Variants in LY96 observed in about 807,000 individuals in gnomAD.
LY96 encodes myeloid differentiation protein-2.
LY96 carries 18 observed loss-of-function variants against 18.9 expected under a neutral mutation model. The observed-to-expected ratio is 0.95, with a 90% CI of 0.66 to 1.41. The LOEUF is 1.41. Ranked by LOEUF, LY96 falls within the 40% of genes most tolerant of loss-of-function variation. The pLI, the probability that LY96 is intolerant of heterozygous loss-of-function variation, is 0.00. For synonymous variants in LY96, 66 were observed against 62.6 expected (o/e 1.06, Z -0.26); for missense variants, 175 against 182.4 (o/e 0.96, Z 0.23).
At chr8:74,009,634 A>G (rs1397581684) in intron 2 of LY96, among the ~76,000 whole-genome samples, 1 of 152,160 alleles carries the variant, frequency 6.6e-6, no homozygotes, top group African/African-American at 2.4e-5. Flanking sequence ...TGACTGTCTC[A>G]CTGTCCTTCC....
the LY96 span, among the ~76,000 whole-genome samples, chr8:74,040,344 A>G: frequency 6.6e-6 from 1 of 152,040 alleles, no homozygotes; most frequent in African/African-American, 2.4e-5. Flanking sequence ...TTCACCCACA[A>G]TCCTATTTGT....
chr8:74,052,206 T>C, the LY96 span: 1 of 152,212 alleles, frequency 6.6e-6, no homozygotes, highest in Non-Finnish European at 1.5e-5. Context: ...GCCATGAGTG[T>C]GCATGCGGGA....
chr8:74,005,030 C>G, intron 2 of LY96, 145 bp downstream of exon 2: 1 of 829,036 alleles, frequency 1.2e-6, no homozygotes, highest in Non-Finnish European at 1.9e-6. Context: ...ACACAGCACA[C>G]ATTTATTATC....
chr8:74,093,946 A>G, the LY96 span, among the ~76,000 whole-genome samples: 1 of 152,132 alleles, frequency 6.6e-6, no homozygotes, highest in Admixed American at 6.6e-5. Context: ...AGGCATGGAG[A>G]AGAGGCAAAT....
At chr8:74,012,060 T>C (rs188656729) in intron 3 of LY96, among the ~76,000 whole-genome samples, 1 of 152,126 alleles carries the variant, frequency 6.6e-6, no homozygotes, top group Non-Finnish European at 1.5e-5. Context: ...AGCAAGAATA[T>C]GGAGAAAAAA....
the LY96 span, among the ~76,000 whole-genome samples, chr8:74,039,587 G>A: frequency 6.6e-6 from 1 of 152,170 alleles, no homozygotes; most frequent in Non-Finnish European, 1.5e-5. Context: ...GCAGGGTAAG[G>A]AGGGTGGATC....
intron 3 of LY96, among the ~76,000 whole-genome samples, chr8:74,021,023 G>A (rs1263349038): frequency 6.6e-6 from 1 of 152,214 alleles, no homozygotes. Context: ...AGGACTTTAT[G>A]ACTAAAACAC....
intron 3 of LY96, among the ~76,000 whole-genome samples, chr8:74,016,432 A>C (rs1816643723): frequency 6.6e-6 from 1 of 152,234 alleles, no homozygotes; most frequent in Non-Finnish European, 1.5e-5. Context: ...CTCTGGGGGC[A>C]GGGTATAGCT....
At chr8:74,014,266 T>G (rs896131751) in intron 3 of LY96, among the ~76,000 whole-genome samples, 8 of 150,044 alleles carry the variant, frequency 5.3e-5, no homozygotes, top group African/African-American at 2.0e-4. Flanking sequence ...AAAAAAAAAT[T>G]AGCTGGGTGT....
chr8:74,007,404 C>T (rs1816436633), intron 2 of LY96, among the ~76,000 whole-genome samples: 2 of 152,154 alleles, frequency 1.3e-5, no homozygotes, highest in South Asian at 4.1e-4. Flanking sequence ...AATTCATTAA[C>T]AAAATAATTA....
At chr8:73,992,737 T>C (rs969055264) in intron 1 of LY96, among the ~76,000 whole-genome samples, 23 of 152,198 alleles carry the variant, frequency 1.5e-4, no homozygotes, top group African/African-American at 5.3e-4. Flanking sequence ...TGCTGCAAGA[T>C]CCTTTTGCAT....
chr8:74,080,380 T>C, the LY96 span, among the ~76,000 whole-genome samples: 1 of 152,160 alleles, frequency 6.6e-6, no homozygotes, highest in Admixed American at 6.5e-5. Flanking sequence ...TCCTCAGTAG[T>C]TAATTGACAC....
chr8:73,991,952 G>A (rs965122324), intron 1 of LY96, among the ~76,000 whole-genome samples: 1 of 152,080 alleles, frequency 6.6e-6, no homozygotes, highest in Non-Finnish European at 1.5e-5. Context: ...GTTGATTTCT[G>A]CTCTAAGCTG....
Position 73,996,372 on chromosome 8 carries a change from CCTTTCTTT to C in LY96, c.112+4879_112+4886del, listed in dbSNP as rs541600290. ...TCCTTCCTTCCTTCCTTCCTTCATT[CCTTTCTTT>C]CTTTCTTTCTTTCTTTCTTTCTTTC... On this transcript the variant is annotated intron_variant, in intron 1 of 4. Transcript: ENST00000284818. Among the ~76,000 whole-genome samples, 1,075 of 110,862 alleles carry C rather than the reference CCTTTCTTT, an allele frequency of 9.7e-3. 13 individuals are homozygous for C. The highest frequency in any genetic ancestry group is 0.016 in the African/African-American group (464 of 28,482). 72.7% of individuals were successfully genotyped at this position (110,862 alleles called of 152,430 possible).
the LY96 span, among the ~76,000 whole-genome samples, chr8:74,086,214 T>C: frequency 2.0e-5 from 3 of 152,196 alleles, no homozygotes; most frequent in Non-Finnish European, 4.4e-5. Context: ...CCCTGATCTT[T>C]CTACCTAACA....
chr8:74,016,131 T>C (rs980136470), intron 3 of LY96, among the ~76,000 whole-genome samples: 2 of 152,198 alleles, frequency 1.3e-5, no homozygotes, highest in Non-Finnish European at 2.9e-5. Flanking sequence ...TGACAGACTG[T>C]ACCAGGAAAA....
the LY96 span, among the ~76,000 whole-genome samples, chr8:74,047,770 T>A: frequency 2.2e-4 from 33 of 152,328 alleles, no homozygotes; most frequent in South Asian, 5.8e-3. Flanking sequence ...TGTAGTATTA[T>A]CCAAACCACA....
At chr8:74,089,463 C>G in the LY96 span, among the ~76,000 whole-genome samples, 1 of 152,114 alleles carries the variant, frequency 6.6e-6, no homozygotes, top group African/African-American at 2.4e-5. Context: ...ATAGGACGAG[C>G]TCTTCTGTGT....
intron 1 of LY96, among the ~76,000 whole-genome samples, chr8:74,002,019 C>T (rs1352359394): frequency 3.6e-4 from 3 of 8,378 alleles, no homozygotes; most frequent in Non-Finnish European, 6.4e-4. Flanking sequence ...TCCTTCCTTC[C>T]TTCCTTCCTT....
Sources: allele counts gnomAD v4.1 joint callset (sites outside exome capture counted in the v4.1 genomes callset), GRCh38; gene constraint gnomAD v4.1.1; transcripts MANE v1.5; gene names NCBI Gene and HGNC (gene_info 2026-07-23, HGNC 2026-07-21).